OR5V1: variants seen among roughly 807,000 people sequenced by gnomAD.
OR5V1 encodes the protein olfactory receptor 5V1.
For missense variants in OR5V1, 365 were observed against 371.5 expected (o/e 0.98, Z 0.14); for synonymous variants, 134 against 143.2 (o/e 0.94, Z 0.46).
rs770227208 is a variant in OR5V1, at chr6:29,355,282, C to T, written c.914G>A (p.Gly305Glu). ...GGAAATTGGTGGCTGCCACTTGCTC[C>T]CTATAGTTTTGACAGCTTCTTTGAT... ...KDIKEAVKTI[G>E]SKWQPPISSL... Residue 305 changes from glycine (G) to glutamate (E), a missense_variant, in exon 2 of 2, where the codon GGG (glycine) becomes GAG (glutamate). Gly to Glu is a moderately conservative substitution (Grantham distance 98). Transcript: ENST00000641768. 21 of 1,610,936 alleles carry T rather than the reference C, an allele frequency of 1.3e-5. No homozygotes were observed. In the Middle Eastern group the frequency reaches 8.3e-4, roughly 63 times the overall value.
At chr6:29,360,741 A>T (rs1156635831) in intron 1 of OR5V1, among the ~76,000 whole-genome samples, 1 of 152,160 alleles carries the variant, frequency 6.6e-6, no homozygotes, top group Non-Finnish European at 1.5e-5. Context: ...ACATCAACAA[A>T]AAGGACCCCC....
At chr6:29,368,523 C>T (rs1193409690) in intron 1 of OR5V1, 109 bp downstream of exon 1, 1 of 152,146 alleles carries the variant, frequency 6.6e-6, no homozygotes, top group African/African-American at 2.4e-5. Context: ...GGTCATTACA[C>T]TTCCATCTCC....
At chr6:29,362,240 A>T (rs774851017) in intron 1 of OR5V1, among the ~76,000 whole-genome samples, 1 of 152,234 alleles carries the variant, frequency 6.6e-6, no homozygotes, top group Non-Finnish European at 1.5e-5. Flanking sequence ...AGAGCTAACT[A>T]TCCTAAATAC....
intron 1 of OR5V1, among the ~76,000 whole-genome samples, chr6:29,361,833 C>T (rs1329207403): frequency 2.6e-5 from 4 of 152,058 alleles, no homozygotes; most frequent in South Asian, 4.2e-4. Context: ...AAAAACACAC[C>T]GTAATATAAA....
Position 29,356,117 on chromosome 6 carries a change from G to T in OR5V1, c.79C>A (p.Leu27Ile). The T allele has an allele frequency of 6.2e-7, 1 of 1,613,018 alleles. No homozygotes were observed. The highest frequency in any genetic ancestry group is 2.2e-5 in the East Asian group (1 of 44,866). The stretch of plus-strand genomic sequence containing the variant: ...TAAGTCAGAAAGAAGATGGTGAATA[G>T]TAAAAACTGCAATTCATTTAGGTTG... ...FSNLNELQFL[L>I]FTIFFLTYFC... is the part of the protein sequence containing the mutation. Residue 27 changes from leucine to isoleucine, a missense_variant, in exon 2 of 2, where the codon CTA (leucine) becomes ATA (isoleucine). Coordinates refer to ENST00000641768, the MANE Select transcript of OR5V1 (RefSeq NM_030876.6).
chr6:29,361,276 A>T (rs982854007), intron 1 of OR5V1, among the ~76,000 whole-genome samples: 1 of 152,184 alleles, frequency 6.6e-6, no homozygotes, highest in Non-Finnish European at 1.5e-5. Flanking sequence ...GAAATATGGG[A>T]CTATGTGAAA....
chr6:29,367,158 T>G (rs1321385939), intron 1 of OR5V1, among the ~76,000 whole-genome samples: 1 of 152,236 alleles, frequency 6.6e-6, no homozygotes, highest in Non-Finnish European at 1.5e-5. Context: ...CCACTCAGCC[T>G]GTATGTTTTT....
chr6:29,358,014 T>C lies in OR5V1; in HGVS notation c.-82-1737A>G, dbSNP rs1217041612. Among the ~76,000 whole-genome samples the C allele has an allele frequency of 2.0e-5, 3 of 152,276 alleles. No individual in the cohort carries two copies. The East Asian group carries it at 5.8e-4, about 29-fold the overall frequency. ...GCATTTCAATGTCAAGTTTGAGAGG[T>C]GGCTTAATTGTGCTTTTGTTGTAAT... On this transcript the variant is annotated intron_variant, in intron 1 of 1. Coordinates refer to ENST00000641768, the MANE Select transcript of OR5V1 (RefSeq NM_030876.6).
intron 1 of OR5V1, among the ~76,000 whole-genome samples, chr6:29,363,060 G>T (rs1354912548): frequency 6.6e-6 from 1 of 151,746 alleles, no homozygotes; most frequent in East Asian, 1.9e-4. Flanking sequence ...AGCCAGACTA[G>T]TAAAGAAGAA....
intron 1 of OR5V1, among the ~76,000 whole-genome samples, chr6:29,358,828 G>A (rs1032719358): frequency 7.2e-5 from 11 of 152,138 alleles, no homozygotes; most frequent in African/African-American, 2.7e-4. Flanking sequence ...TGGTCAAAGG[G>A]TACAAAGTTT....
At chr6:29,363,848 G>T (rs1219585355) in intron 1 of OR5V1, among the ~76,000 whole-genome samples, 2 of 152,098 alleles carry the variant, frequency 1.3e-5, no homozygotes, top group African/African-American at 4.8e-5. Flanking sequence ...CATAATGAAT[G>T]GGCAAAAGCT....
At position 29,355,575 on chromosome 6, in the gene OR5V1, A is replaced by T. The variant is rs779526199; in HGVS notation, c.621T>A (p.Gly207=). The T allele has an allele frequency of 1.2e-6, 2 of 1,614,026 alleles. No homozygotes were observed. Among genetic ancestry groups the T allele is most frequent in the South Asian group, 2.2e-5 (2 of 91,074 alleles). Residue 207 remains glycine, a synonymous_variant, in exon 2 of 2, where the codon GGT becomes GGA. Coordinates refer to ENST00000641768, the MANE Select transcript of OR5V1 (RefSeq NM_030876.6). ...GTACGATACAAAGGAAAGGAGTCCA[A>T]CCAATGAAGACCCCAGTGGATAGCA... is the stretch of plus-strand genomic sequence containing the variant. ...LALLSTGVFI[G]WTPFLCIVLS...
intron 1 of OR5V1, among the ~76,000 whole-genome samples, chr6:29,360,573 G>T (rs1778520911): frequency 6.6e-6 from 1 of 152,198 alleles, no homozygotes; most frequent in South Asian, 2.1e-4. Flanking sequence ...AGCTTCCAGA[G>T]GAAGAAGCAG....
At chr6:29,368,590 A>G (rs905209053) in intron 1 of OR5V1, 42 bp downstream of exon 1, 68 of 152,216 alleles carry the variant, frequency 4.5e-4, no homozygotes, top group African/African-American at 1.6e-3. Flanking sequence ...TCTAAGAGCA[A>G]TGAAGCTATA....
chr6:29,364,168 TG>T (rs778895858), intron 1 of OR5V1, among the ~76,000 whole-genome samples: 1 of 151,920 alleles, frequency 6.6e-6, no homozygotes, highest in African/African-American at 2.4e-5. Context: ...AGCAGAAAGC[TG>T]AATCATGAGT....
In OR5V1 at chr6:29,356,026, G is replaced by A. The variant is rs775195688; in HGVS notation, c.170C>T (p.Thr57Ile). Reference protein sequence around the residue: ...LTTVTDPHLHTPMYYFLGNLA... With the variant: ...LTTVTDPHLHIPMYYFLGNLA... The stretch of plus-strand genomic sequence containing the variant: ...GTTCCCTAGAAAATAATACATAGGT[G>A]TATGCAGGTGTGGATCAGTCACAGT... Residue 57 changes from threonine to isoleucine, a missense_variant, in exon 2 of 2, where the codon ACA becomes ATA. Physicochemically the swap from Thr to Ile is moderately conservative, Grantham distance 89. Transcript: ENST00000641768. 28 of 1,614,030 alleles carry A rather than the reference G, an allele frequency of 1.7e-5. No individual in the cohort carries two copies. The highest frequency in any genetic ancestry group is 2.3e-5 in the Non-Finnish European group (27 of 1,179,954).
chr6:29,356,277 C>A lies in OR5V1; in HGVS notation c.-82G>T. ...TGAATCATATGCTGCAATAGCATGA[C>A]CTGAAAAATAAGGGAAAAAACGGTT... is the stretch of plus-strand genomic sequence containing the variant. On this transcript the variant is annotated splice_region_variant and 5_prime_UTR_variant, in exon 2 of 2. Coordinates refer to ENST00000641768, the MANE Select transcript of OR5V1 (RefSeq NM_030876.6). 6.9e-7 allele frequency: 1 copy of A among 1,445,700 alleles called. No homozygotes were observed. Among genetic ancestry groups the A allele is most frequent in the Non-Finnish European group, 9.3e-7 (1 of 1,079,630 alleles). 89.6% of individuals were successfully genotyped at this position (1,445,700 alleles called of 1,614,324 possible). A position where few individuals can be genotyped will look rare whatever the true frequency, so the allele number is the denominator to read the frequency against.
chr6:29,363,566 C>G (rs1223218827), intron 1 of OR5V1, among the ~76,000 whole-genome samples: 1 of 152,142 alleles, frequency 6.6e-6, no homozygotes, highest in Non-Finnish European at 1.5e-5. Flanking sequence ...TACTGGCAAA[C>G]CAAATCCAGC....
At chr6:29,363,926 G>A (rs541383951) in intron 1 of OR5V1, among the ~76,000 whole-genome samples, 43 of 152,274 alleles carry the variant, frequency 2.8e-4, no homozygotes, top group South Asian at 1.4e-3. Flanking sequence ...ATTCCACATA[G>A]TATTGGAAGT....
Sources: allele counts gnomAD v4.1 joint callset (sites outside exome capture counted in the v4.1 genomes callset), GRCh38; gene constraint gnomAD v4.1.1; transcripts MANE v1.5; gene names NCBI Gene and HGNC (gene_info 2026-07-23, HGNC 2026-07-21).